Variants in SGPP2 observed in about 807,000 individuals in gnomAD.
The protein encoded by SGPP2 is sphingosine 1-phosphate phosphohydrolase 2.
SGPP2 carries 30 observed loss-of-function variants against 33.9 expected under a neutral mutation model. The ratio of observed to expected loss-of-function variants is 0.89; its 90% CI spans 0.66 to 1.20. The LOEUF (loss-of-function observed/expected upper bound fraction) is 1.20. Among genes scored for constraint, SGPP2 ranks in the 50% most tolerant of loss-of-function variants. SGPP2 has a pLI of 0.00. For synonymous variants in SGPP2, 233 were observed against 225.0 expected, an observed-to-expected ratio of 1.04 and a Z score of -0.32; for missense variants, 458 against 532.1, an observed-to-expected ratio of 0.86 and a Z score of 1.37.
chr2:222,475,067 G>A (rs1697910444), intron 2 of SGPP2, among the ~76,000 whole-genome samples: 1 of 152,106 alleles, frequency 6.6e-6, no homozygotes, highest in South Asian at 2.1e-4. Flanking sequence ...ACAGGGAGAG[G>A]ACCAGTTTTA....
In SGPP2 at chr2:222,474,675, T is replaced by C. The variant is rs1456253863; in HGVS notation, c.327T>C (p.Thr109=). ...TCTACATCACGTTTCTTCCATTCACTCACTGGAATATTGACCCTTATTTAT... is the reference window on the plus strand; with the variant it reads ...TCTACATCACGTTTCTTCCATTCACCCACTGGAATATTGACCCTTATTTAT... ...EVFYITFLPF[T]HWNIDPYLSR... Residue 109 remains threonine (T), a synonymous_variant, in exon 2 of 5, where the codon ACT becomes ACC. Coordinates refer to ENST00000321276, the MANE Select transcript of SGPP2 (RefSeq NM_152386.4). 1.2e-6 allele frequency: 2 copies of C among 1,613,902 alleles called. No homozygotes were observed. Among genetic ancestry groups the C allele is most frequent in the African/African-American group, 2.7e-5 (2 of 74,922 alleles).
chr2:222,471,267 A>G (rs184594299), intron 1 of SGPP2, among the ~76,000 whole-genome samples: 215 of 152,284 alleles, frequency 1.4e-3, no homozygotes, highest in African/African-American at 5.1e-3. Flanking sequence ...ATCCATTCCC[A>G]GAGAGGAGTG....
chr2:222,531,392 A>T (rs1698837014), intron 4 of SGPP2, among the ~76,000 whole-genome samples: 1 of 152,212 alleles, frequency 6.6e-6, no homozygotes, highest in Non-Finnish European at 1.5e-5. Flanking sequence ...TGAGCCTTGA[A>T]GACATTATGT....
rs1329342144 is a variant in SGPP2, at chr2:222,477,417, A to G, written c.378+2691A>G. On this transcript the variant is annotated intron_variant, in intron 2 of 4. Transcript: ENST00000321276. This position sits in a 1 kb window ranked among gnomAD's most constrained non-coding sequence, Gnocchi z 6.0. The stretch of plus-strand genomic sequence containing the variant: ...TATAGGTGTGTATATATGTGTGTTT[A>G]TAGGTATGTATATATGTGTGAATGT... Among the ~76,000 whole-genome samples the G allele has an allele frequency of 6.6e-6, 1 of 151,512 alleles. No homozygotes were observed. The highest frequency in any genetic ancestry group is 1.5e-5 in the Non-Finnish European group (1 of 67,828).
intron 2 of SGPP2, among the ~76,000 whole-genome samples, chr2:222,480,499 A>G (rs1246386905): frequency 2.0e-5 from 3 of 152,258 alleles, no homozygotes; most frequent in Admixed American, 2.0e-4. Context: ...GAAGTGTGGC[A>G]TGCTGGTTCA....
intron 2 of SGPP2, among the ~76,000 whole-genome samples, chr2:222,493,909 G>T (rs1698236513): frequency 6.6e-6 from 1 of 152,154 alleles, no homozygotes; most frequent in South Asian, 2.1e-4. Context: ...AGACTAATCT[G>T]TTCATTTGAC....
At chr2:222,453,118 T>TAAATATG (rs74705937) in intron 1 of SGPP2, 646,459 of 839,444 alleles carry the variant, frequency 0.77, 250,137 homozygotes, top group Middle Eastern at 0.87. Context: ...AGGACTATCC[T>TAAATATG]CAGATCCATG....
intron 1 of SGPP2, among the ~76,000 whole-genome samples, chr2:222,472,559 C>T (rs573895576): frequency 2.0e-5 from 3 of 152,274 alleles, no homozygotes; most frequent in East Asian, 1.9e-4. Flanking sequence ...GGAAGTCACA[C>T]GCCTGGTCAG....
At chr2:222,507,316 C>G (rs1265756606) in intron 2 of SGPP2, among the ~76,000 whole-genome samples, 1 of 152,104 alleles carries the variant, frequency 6.6e-6, no homozygotes, top group African/African-American at 2.4e-5. Context: ...TCGGTCAAAA[C>G]TGAAGAGGGA....
chr2:222,489,929 C>T (rs1698171868), intron 2 of SGPP2, among the ~76,000 whole-genome samples: 1 of 152,284 alleles, frequency 6.6e-6, no homozygotes, highest in African/African-American at 2.4e-5. Context: ...CATGCCATTG[C>T]ACTCCAGCCT....
intron 1 of SGPP2, among the ~76,000 whole-genome samples, chr2:222,469,286 G>A (rs2106091453): frequency 6.6e-6 from 1 of 152,280 alleles, no homozygotes; most frequent in South Asian, 2.1e-4. Flanking sequence ...CCAGGTTTAA[G>A]CAATTCTCTG....
chr2:222,530,910 T>G (rs191670709), intron 4 of SGPP2, among the ~76,000 whole-genome samples: 10 of 152,294 alleles, frequency 6.6e-5, no homozygotes, highest in Non-Finnish European at 1.5e-4. Context: ...GTGGCTCACC[T>G]GGAATCCCAG....
intron 2 of SGPP2, among the ~76,000 whole-genome samples, chr2:222,475,315 A>G (rs1414987349): frequency 6.6e-6 from 1 of 152,194 alleles, no homozygotes; most frequent in Non-Finnish European, 1.5e-5. Flanking sequence ...AACTTGTTTT[A>G]TTTGTAAAAA....
intron 4 of SGPP2, among the ~76,000 whole-genome samples, chr2:222,553,753 AG>A (rs1166617731): frequency 1.3e-5 from 2 of 152,186 alleles, no homozygotes; most frequent in East Asian, 1.9e-4. Flanking sequence ...TTATACATTT[AG>A]GTAAAATGAC....
intron 4 of SGPP2, among the ~76,000 whole-genome samples, chr2:222,548,703 G>A (rs1689243318): frequency 6.6e-6 from 1 of 152,092 alleles, no homozygotes; most frequent in Admixed American, 6.6e-5. Context: ...CTTTCAATAG[G>A]AAATTAATAT....
chr2:222,447,606 A>G (rs867128897), intron 1 of SGPP2, among the ~76,000 whole-genome samples: 2 of 152,244 alleles, frequency 1.3e-5, no homozygotes, highest in African/African-American at 4.8e-5. Flanking sequence ...AATCAGACAC[A>G]AGTTAAATAA....
At chr2:222,446,020 T>C (rs1413107743) in intron 1 of SGPP2, among the ~76,000 whole-genome samples, 2 of 152,148 alleles carry the variant, frequency 1.3e-5, no homozygotes, top group East Asian at 3.9e-4. Context: ...GAAGGAACAT[T>C]TGGGGACTGA....
chr2:222,493,587 T>G (rs996372477), intron 2 of SGPP2, among the ~76,000 whole-genome samples: 3 of 152,222 alleles, frequency 2.0e-5, no homozygotes, highest in African/African-American at 7.2e-5. Flanking sequence ...CCTCCCGCCT[T>G]GGCCTCCCAA....
chr2:222,444,769 A>G (rs1330249093), intron 1 of SGPP2, among the ~76,000 whole-genome samples: 8 of 152,232 alleles, frequency 5.3e-5, no homozygotes, highest in Admixed American at 5.2e-4. Context: ...GGATAGAACT[A>G]GGTGCAGCAG....
Sources: allele counts gnomAD v4.1 joint callset (sites outside exome capture counted in the v4.1 genomes callset), GRCh38; gene constraint gnomAD v4.1.1; non-coding constraint Gnocchi (gnomAD v3.1); transcripts MANE v1.5; gene names NCBI Gene and HGNC (gene_info 2026-07-23, HGNC 2026-07-21).